The following CASZ1 variants were observed in gnomAD, a reference collection of about 807,000 sequenced individuals.
The protein encoded by CASZ1 is castor zinc finger 1, also known as zinc finger protein castor homolog 1.
Under a neutral mutation model 135.2 loss-of-function variants are expected in CASZ1, and 28 were observed. The ratio of observed to expected loss-of-function variants is 0.21; its 90% CI spans 0.15 to 0.28. CASZ1 has a LOEUF of 0.28. Ranked by LOEUF, CASZ1 falls within the 10% of genes least tolerant of loss-of-function variation. The probability of loss-of-function intolerance (pLI) is 1.00; values close to 1 mark genes in which losing one functional copy is unlikely to be tolerated. For missense variants in CASZ1, 2,161 were observed against 2,453.3 expected, an observed-to-expected ratio of 0.88 and a Z score of 2.52; for synonymous variants, 1,068 against 1,073.4, an observed-to-expected ratio of 0.99 and a Z score of 0.10.
intron 1 of CASZ1, among the ~76,000 whole-genome samples, chr1:10,761,900 AT>A (rs1432098281): frequency 2.0e-5 from 3 of 152,228 alleles, no homozygotes; most frequent in Non-Finnish European, 1.5e-5. Context: ...CATCAGGAAG[AT>A]TGCCACTGAA....
chr1:10,690,827 C>T (rs183560917), intron 4 of CASZ1, among the ~76,000 whole-genome samples: 7 of 152,372 alleles, frequency 4.6e-5, no homozygotes, highest in African/African-American at 1.2e-4. Context: ...CAGATCCCCA[C>T]GAGTCAAGGG....
chr1:10,752,607 TCCCCAGGGAG>T (rs1292087621), intron 2 of CASZ1, among the ~76,000 whole-genome samples: 6 of 152,240 alleles, frequency 3.9e-5, no homozygotes, highest in African/African-American at 1.4e-4. Flanking sequence ...CCCAGGCAGC[TCCCCAGGGAG>T]TGCTGGCTCT....
chr1:10,714,847 C>G (rs1639348824), intron 2 of CASZ1, among the ~76,000 whole-genome samples: 1 of 152,174 alleles, frequency 6.6e-6, no homozygotes, highest in South Asian at 2.1e-4. Context: ...CCTTCCCTGG[C>G]CAGCCCAACC....
chr1:10,747,113 G>A lies in CASZ1; in HGVS notation c.-77+13588C>T, dbSNP rs933650575. 2.0e-5 allele frequency among the ~76,000 whole-genome samples: 3 copies of A among 152,194 alleles called. No individual in the cohort carries two copies. The highest frequency in any genetic ancestry group is 4.4e-5 in the Non-Finnish European group (3 of 68,044). On this transcript the variant is annotated intron_variant, in intron 2 of 20. Transcript: ENST00000377022. The surrounding 1 kb of genome is among the most constrained non-coding windows in gnomAD (Gnocchi z 4.3). The stretch of plus-strand genomic sequence containing the variant: ...CAGTTGGCAGTGCCATTCCCCTAAC[G>A]CAAGGTAAGCACACACAGACCCTTT...
rs1468843210 is a variant in CASZ1 at position 10,735,184 on chromosome 1, G to A, written c.-77+25517C>T. Among the ~76,000 whole-genome samples the A allele has an allele frequency of 6.6e-6, 1 of 152,132 alleles. No individual in the cohort carries two copies. Among genetic ancestry groups the A allele is most frequent in the African/African-American group, 2.4e-5 (1 of 41,416 alleles). On this transcript the variant is annotated intron_variant, in intron 2 of 20. Coordinates refer to ENST00000377022, the MANE Select transcript of CASZ1 (RefSeq NM_001079843.3). The surrounding 1 kb of genome is among the most constrained non-coding windows in gnomAD (Gnocchi z 5.1). ...TGATGAAAAGACGGCGGTAATTTACGGCATCACAAAATTAGTTGTCATGGC... is the reference window on the plus strand; with the variant it reads ...TGATGAAAAGACGGCGGTAATTTACAGCATCACAAAATTAGTTGTCATGGC...
At chr1:10,678,432 G>T (rs928071198) in intron 4 of CASZ1, among the ~76,000 whole-genome samples, 27 of 145,418 alleles carry the variant, frequency 1.9e-4, no homozygotes, top group African/African-American at 6.7e-4. Context: ...GGGTGGGGGG[G>T]TCTGTTCCAG....
At chr1:10,692,701 G>A (rs1022092001) in intron 4 of CASZ1, among the ~76,000 whole-genome samples, 1 of 152,128 alleles carries the variant, frequency 6.6e-6, no homozygotes, top group African/African-American at 2.4e-5. Context: ...ACCGGCCACC[G>A]TGCCACCCAT....
In CASZ1 at chr1:10,792,545, T is replaced by G. The variant is rs80086724; in HGVS notation, c.-234+4019A>C. On this transcript the variant is annotated intron_variant, in intron 1 of 20. Coordinates refer to ENST00000377022, the MANE Select transcript of CASZ1 (RefSeq NM_001079843.3). ...CTACCTACAACTTAGTCCCAAAGGATCATTAGGAAATGCAATCGCTTTGTA... is the reference window on the plus strand; with the variant it reads ...CTACCTACAACTTAGTCCCAAAGGAGCATTAGGAAATGCAATCGCTTTGTA... Among the ~76,000 whole-genome samples, 457 of 152,094 alleles carry G rather than the reference T, an allele frequency of 3.0e-3. 11 individuals are homozygous for G. The highest frequency in any genetic ancestry group is 0.023 in the Admixed American group (350 of 15,268).
chr1:10,765,390 G>GA (rs113769665), intron 1 of CASZ1, among the ~76,000 whole-genome samples: 11,303 of 140,932 alleles, frequency 0.08, 549 homozygotes, highest in East Asian at 0.27. Context: ...TATGGAAAAG[G>GA]AAAAAAAAAA....
At chr1:10,758,329 T>TCTCTCTCTC (rs374544967) in intron 2 of CASZ1, among the ~76,000 whole-genome samples, 4 of 85,754 alleles carry the variant, frequency 4.7e-5, no homozygotes, top group East Asian at 2.6e-4. Context: ...TCTCTCTCTC[T>TCTCTCTCTC]TTTTTTTTTT....
intron 2 of CASZ1, among the ~76,000 whole-genome samples, chr1:10,752,503 C>A (rs899437573): frequency 6.6e-6 from 1 of 152,150 alleles, no homozygotes; most frequent in Non-Finnish European, 1.5e-5. Flanking sequence ...TTGGGAGACT[C>A]CAGCAAGTGG....
chr1:10,792,219 G>GT (rs34902302), intron 1 of CASZ1, among the ~76,000 whole-genome samples: 20,126 of 125,850 alleles, frequency 0.16, 2,581 homozygotes, highest in East Asian at 0.52. Context: ...GGTGGAGTCA[G>GT]TTTTTTTTTT....
chr1:10,678,587 G>A (rs1309542426), intron 4 of CASZ1, among the ~76,000 whole-genome samples: 2 of 151,860 alleles, frequency 1.3e-5, no homozygotes, highest in African/African-American at 4.8e-5. Flanking sequence ...TCCCTGGGCC[G>A]CGCCGGCTCG....
chr1:10,681,817 G>T (rs1426438177), intron 4 of CASZ1, among the ~76,000 whole-genome samples: 1 of 152,204 alleles, frequency 6.6e-6, no homozygotes, highest in East Asian at 1.9e-4. Flanking sequence ...GGGTGGGGTG[G>T]GGACTCCCTG....
intron 1 of CASZ1, among the ~76,000 whole-genome samples, chr1:10,790,466 C>T (rs1425184375): frequency 1.3e-5 from 2 of 152,196 alleles, no homozygotes; most frequent in Non-Finnish European, 2.9e-5. Context: ...GTTCCCTCTG[C>T]TCATGTCTGT....
chr1:10,739,182 C>A lies in CASZ1; in HGVS notation c.-77+21519G>T, dbSNP rs893881789. On this transcript the variant is annotated intron_variant, in intron 2 of 20. Transcript: ENST00000377022. This position sits in a 1 kb window ranked among gnomAD's most constrained non-coding sequence, Gnocchi z 4.8. ...TGGAGGGTGGCTGCTCTTTTCAGGC[C>A]GGCGGCCAGTCCCCGGGCGTACAGC... Among the ~76,000 whole-genome samples, 1 of 152,086 alleles carries A rather than the reference C, an allele frequency of 6.6e-6. No individual in the cohort carries two copies. The highest frequency in any genetic ancestry group is 1.5e-5 in the Non-Finnish European group (1 of 68,002).
intron 2 of CASZ1, among the ~76,000 whole-genome samples, chr1:10,758,201 C>T (rs566885841): frequency 2.0e-3 from 301 of 152,208 alleles, no homozygotes; most frequent in Non-Finnish European, 3.0e-3. Flanking sequence ...TGGCGTCTTC[C>T]TTTTTTGTTT....
In CASZ1 at chr1:10,701,571, G is replaced by T. The variant is rs776714875; in HGVS notation, c.-24+3921C>A. ...CAGAAGAAGGAGATAACGGGCAAAG[G>T]GCTGGAGGGAGAACAGTGCGGGAGA... On this transcript the variant is annotated intron_variant, in intron 3 of 20. Coordinates refer to ENST00000377022, the MANE Select transcript of CASZ1 (RefSeq NM_001079843.3). This position sits in a 1 kb window ranked among gnomAD's most constrained non-coding sequence, Gnocchi z 6.3. Among the ~76,000 whole-genome samples, 2 of 152,146 alleles carry T rather than the reference G, an allele frequency of 1.3e-5. No individual in the cohort carries two copies. The highest frequency in any genetic ancestry group is 1.5e-5 in the Non-Finnish European group (1 of 68,008).
rs754266033 is a variant in CASZ1 at position 10,660,339 on chromosome 1, G to A, written c.703C>T (p.Arg235Trp). Residue 235 changes from arginine (R) to tryptophan (W), a missense_variant, in exon 6 of 21, where the codon CGG (arginine) becomes TGG (tryptophan). By Grantham distance (101) the Arg-to-Trp change is moderately radical (BLOSUM62 -3). This residue lies in a region of CASZ1 where 590 missense variants were observed against 609.8 expected (regional missense o/e 0.97). Transcript: ENST00000377022. ...ATGTACTCCTCATACTTAGAGAACC[G>A]CGCCCGCTTGCTGAGGGTATCCTCG... ...TSEDTLSKRA[R>W]FSKYEEYIRK... 5.0e-6 allele frequency: 8 copies of A among 1,614,010 alleles called. No individual in the cohort carries two copies. Among genetic ancestry groups the A allele is most frequent in the African/African-American group, 2.7e-5 (2 of 74,924 alleles).
Sources: gnomAD v4.1 joint callset for allele counts (sites outside exome capture counted in the v4.1 genomes callset) on GRCh38, gnomAD v4.1.1 for gene constraint, gnomAD v4.1.1 regional missense constraint, Gnocchi (gnomAD v3.1) non-coding constraint, MANE v1.5 for transcripts, NCBI Gene and HGNC (gene_info 2026-07-23, HGNC 2026-07-21) for gene names.